Variants in PSAT1 observed in about 807,000 individuals in gnomAD.
The protein encoded by PSAT1 is phosphoserine aminotransferase 1.
In PSAT1, 41 loss-of-function variants were observed where a neutral mutation model predicts 40.3. That is an observed-to-expected ratio of 1.02 (90% CI 0.79 to 1.32). The LOEUF is 1.32. PSAT1 is among the 40% of genes most tolerant of loss of function. The probability of loss-of-function intolerance (pLI) is 0.00; values close to 1 mark genes in which losing one functional copy is unlikely to be tolerated. For synonymous variants in PSAT1, 147 were observed against 170.5 expected, an observed-to-expected ratio of 0.86 and a Z score of 1.07; for missense variants, 406 against 455.8, an observed-to-expected ratio of 0.89 and a Z score of 0.99.
At chr9:78,308,392 A>C in intron 5 of PSAT1, 22 bp from the exon 6 acceptor site, 1 of 1,611,516 alleles carries the variant, frequency 6.2e-7, no homozygotes, top group Non-Finnish European at 8.5e-7. Flanking sequence ...CTTCTTAAGC[A>C]GCATGTCTTT....
chr9:78,307,995 C>T (rs1254378495), intron 5 of PSAT1, among the ~76,000 whole-genome samples: 1 of 152,004 alleles, frequency 6.6e-6, no homozygotes, highest in African/African-American at 2.4e-5. Context: ...GCCGAGATTG[C>T]GCCACTGCAC....
chr9:78,326,492 T>C (rs17064352), intron 7 of PSAT1, among the ~76,000 whole-genome samples: 6,890 of 152,208 alleles, frequency 0.045, 547 homozygotes, highest in African/African-American at 0.16. Context: ...ATATGTACCT[T>C]ATGCAAAGTG....
rs1828215816 is a variant in PSAT1 at position 78,308,398 on chromosome 9, T to C, written c.571-16T>C. 1 of 1,611,990 alleles carries C rather than the reference T, an allele frequency of 6.2e-7. No homozygotes were observed. The highest frequency in any genetic ancestry group is 1.1e-5 in the South Asian group (1 of 90,988). The stretch of plus-strand genomic sequence containing the variant: ...GGCCAAATCCTTCTTAAGCAGCATG[T>C]CTTTCTCTTTTTAAGTTTGGTGTGA... On this transcript the variant is annotated splice_polypyrimidine_tract_variant and intron_variant, in intron 5 of 8. Transcript: ENST00000376588.
At chr9:78,317,907 C>T in intron 7 of PSAT1, 103 bp downstream of exon 7, 2 of 1,349,964 alleles carry the variant, frequency 1.5e-6, no homozygotes, top group Non-Finnish European at 2.1e-6. Flanking sequence ...TTCTCTGAGA[C>T]ATTAAAATAC....
Position 78,317,737 on chromosome 9 carries a change from G to T in PSAT1, c.802G>T (p.Glu268Ter). ...IKNNGGAAAM[E>*]KLSSIKSQTI... ...AAACAATGGAGGTGCCGCGGCCATG[G>T]AGAAGCTTAGCTCCATCAAATCTCA... The change falls in exon 7 of 9, where the codon GAG becomes TAG. Residue 268 changes from glutamate to a stop codon, truncating the protein, a stop_gained. Transcript: ENST00000376588. LOFTEE classifies it high-confidence loss of function. The T allele has an allele frequency of 6.2e-7, 1 of 1,613,736 alleles. No individual in the cohort carries two copies. Among genetic ancestry groups the T allele is most frequent in the South Asian group, 1.1e-5 (1 of 91,064 alleles).
Position 78,308,574 on chromosome 9 carries a change from C to T in PSAT1, c.731C>T (p.Pro244Leu), listed in dbSNP as rs1240087899. ...AACAGCTCCTTGTACAACACGCCTC[C>T]ATGTTTCAGGTAACTCTGGGAGTCA... ...AGNSSLYNTPPCFSIYVMGLV... is the reference protein window; with the variant it reads ...AGNSSLYNTPLCFSIYVMGLV... Residue 244 changes from proline to leucine, a missense_variant, in exon 6 of 9, where the codon CCA becomes CTA. Coordinates refer to ENST00000376588, the MANE Select transcript of PSAT1 (RefSeq NM_058179.4). 2 of 1,614,072 alleles carry T rather than the reference C, an allele frequency of 1.2e-6. No homozygotes were observed. The highest frequency in any genetic ancestry group is 1.7e-6 in the Non-Finnish European group (2 of 1,180,020).
chr9:78,315,647 G>A (rs1433229664), intron 6 of PSAT1, among the ~76,000 whole-genome samples: 4 of 152,182 alleles, frequency 2.6e-5, no homozygotes, highest in Non-Finnish European at 4.4e-5. Flanking sequence ...AGGAGAGGTT[G>A]TTGGATGTTT....
intron 2 of PSAT1, 77 bp from the exon 3 acceptor site, chr9:78,301,877 C>A (rs1828112031): frequency 5.2e-6 from 6 of 1,163,918 alleles, no homozygotes; most frequent in Non-Finnish European, 7.7e-6. Flanking sequence ...TGTTTACTTG[C>A]AAATTTCGTA....
Position 78,304,941 on chromosome 9 carries a change from G to T in PSAT1, c.397+1G>T. 1 of 1,612,250 alleles carries T rather than the reference G, an allele frequency of 6.2e-7. No homozygotes were observed. The highest frequency in any genetic ancestry group is 8.5e-7 in the Non-Finnish European group (1 of 1,179,960). On this transcript the variant is annotated splice_donor_variant, in intron 4 of 8. Transcript: ENST00000376588. LOFTEE classifies it high-confidence loss of function. The stretch of plus-strand genomic sequence containing the variant: ...CACCCTAAACTTGGGAGTTATACAA[G>T]TAAGTTCTGGGAGCTGAGCTGGGTG...
chr9:78,300,456 A>C, intron 1 of PSAT1, 146 bp from the exon 2 acceptor site: 1 of 1,006,728 alleles, frequency 9.9e-7, no homozygotes. Context: ...GGACATGGGA[A>C]GGAAGGAGAC....
intron 6 of PSAT1, among the ~76,000 whole-genome samples, chr9:78,310,885 G>A (rs1828257416): frequency 6.6e-6 from 1 of 152,110 alleles, no homozygotes; most frequent in South Asian, 2.1e-4. Flanking sequence ...TGGGATTACA[G>A]GCGTGAGCCA....
intron 1 of PSAT1, among the ~76,000 whole-genome samples, chr9:78,300,286 C>G (rs1828088323): frequency 6.6e-6 from 1 of 152,106 alleles, no homozygotes; most frequent in African/African-American, 2.4e-5. Context: ...TTTATGCATT[C>G]TTTACTTTAG....
chr9:78,329,023 A>G lies in PSAT1; in HGVS notation c.1050A>G (p.Thr350=). Residue 350 remains threonine (T), a synonymous_variant, in exon 9 of 9, where the codon ACA becomes ACG. Coordinates refer to ENST00000376588, the MANE Select transcript of PSAT1 (RefSeq NM_058179.4). ...GIRASLYNAV[T]IEDVQKLAAF... Reference sequence around the variant, plus strand: ...GGGCCTCTCTGTATAATGCTGTCACAATTGAAGACGTTCAGAAGCTGGCCG... The same window carrying G: ...GGGCCTCTCTGTATAATGCTGTCACGATTGAAGACGTTCAGAAGCTGGCCG... 1 of 1,613,648 alleles carries G rather than the reference A, an allele frequency of 6.2e-7. No individual in the cohort carries two copies. Among genetic ancestry groups the G allele is most frequent in the Non-Finnish European group, 8.5e-7 (1 of 1,179,856 alleles).
In PSAT1 at chr9:78,297,134, C is replaced by A; in HGVS notation, c.-77C>A. 1 of 1,453,850 alleles carries A rather than the reference C, an allele frequency of 6.9e-7. No individual in the cohort carries two copies. Among genetic ancestry groups the A allele is most frequent in the South Asian group, 1.2e-5 (1 of 82,716 alleles). 90.1% of individuals were successfully genotyped at this position (1,453,850 alleles called of 1,614,324 possible). On this transcript the variant is annotated 5_prime_UTR_variant, in exon 1 of 9. Transcript: ENST00000376588. Reference sequence around the variant, plus strand: ...GGGTTCGGGGCCGGCTGCAGACTCTCACCGCAGCGGCCAGGAACGCCAGCC... The same window carrying A: ...GGGTTCGGGGCCGGCTGCAGACTCTAACCGCAGCGGCCAGGAACGCCAGCC...
chr9:78,304,157 T>C (rs1828147104), intron 3 of PSAT1, among the ~76,000 whole-genome samples: 1 of 152,148 alleles, frequency 6.6e-6, no homozygotes, highest in Non-Finnish European at 1.5e-5. Flanking sequence ...ATGTATTATC[T>C]CACCTAACAG....
intron 4 of PSAT1, among the ~76,000 whole-genome samples, chr9:78,305,381 C>G (rs550268366): frequency 1.8e-4 from 27 of 152,318 alleles, no homozygotes; most frequent in Non-Finnish European, 2.9e-4. Context: ...TCCCAGAGTG[C>G]TGGGATTACA....
chr9:78,305,059 A>G (rs1356469184), intron 4 of PSAT1, 119 bp downstream of exon 4: 3 of 907,376 alleles, frequency 3.3e-6, no homozygotes, highest in African/African-American at 1.6e-5. Flanking sequence ...ATTACCATTT[A>G]GATTGGGTGG....
intron 1 of PSAT1, chr9:78,298,406 A>C (rs1235817360): frequency 2.0e-6 from 2 of 985,310 alleles, no homozygotes; most frequent in Admixed American, 1.2e-4. Flanking sequence ...TGGTAAGAAC[A>C]GAGAATCCAA....
At position 78,297,196 on chromosome 9, in the gene PSAT1, C is replaced by T. The variant is rs1419520237; in HGVS notation, c.-15C>T. ...CGGTCCTCCTTGGCTGACTCACCGC[C>T]CTGGCCGCCGCACCATGGACGCCCC... On this transcript the variant is annotated 5_prime_UTR_variant, in exon 1 of 9. Coordinates refer to ENST00000376588, the MANE Select transcript of PSAT1 (RefSeq NM_058179.4). 5.6e-6 allele frequency: 9 copies of T among 1,595,176 alleles called. No individual in the cohort carries two copies. In the East Asian group the frequency reaches 1.8e-4, roughly 32 times the overall value.
Sources: gnomAD v4.1 joint callset for allele counts (sites outside exome capture counted in the v4.1 genomes callset) on GRCh38, gnomAD v4.1.1 for gene constraint, MANE v1.5 for transcripts, NCBI Gene and HGNC (gene_info 2026-07-23, HGNC 2026-07-21) for gene names.